Variants in SLC12A7 observed in about 807,000 individuals in gnomAD.
The protein encoded by SLC12A7 is K-Cl cotransporter 4.
A neutral mutation model predicts 120.6 loss-of-function variants in SLC12A7; 100 were observed. That is an observed-to-expected ratio of 0.83 (90% CI 0.71 to 0.98). SLC12A7 has a LOEUF of 0.98. Ranked by LOEUF, SLC12A7 falls within the 50% of genes least tolerant of loss-of-function variation. The pLI, the probability that SLC12A7 is intolerant of heterozygous loss-of-function variation, is 0.00. For synonymous variants in SLC12A7, 760 were observed against 678.0 expected (o/e 1.12, Z -1.88); for missense variants, 1,373 against 1,548.1 (o/e 0.89, Z 1.90).
At position 1,052,314 on chromosome 5, in the gene SLC12A7, C is replaced by T. The variant is rs773734659; in HGVS notation, c.*46G>A. On this transcript the variant is annotated 3_prime_UTR_variant, in exon 24 of 24. Transcript: ENST00000264930. Reference sequence around the variant, plus strand: ...GCCAAGCCCAGGCCCAGGCTGCCCACGCCGTCCTCCGTGCCTGTCCCAGAG... The same window carrying T: ...GCCAAGCCCAGGCCCAGGCTGCCCATGCCGTCCTCCGTGCCTGTCCCAGAG... 9.8e-6 allele frequency: 15 copies of T among 1,526,722 alleles called. No individual in the cohort carries two copies. The highest frequency in any genetic ancestry group is 4.5e-5 in the East Asian group (2 of 44,426). 94.6% of individuals were successfully genotyped at this position (1,526,722 alleles called of 1,614,324 possible).
chr5:1,085,504 C>A (rs763361621), intron 6 of SLC12A7, 31 bp from the exon 7 acceptor site: 13 of 1,556,150 alleles, frequency 8.4e-6, no homozygotes, highest in Non-Finnish European at 9.6e-6. Flanking sequence ...GGGAGGCCGT[C>A]CCCGGACACA....
chr5:1,065,184 AGGGGACACTGAGGAGACACACAG>A (rs1736894637), intron 18 of SLC12A7, 76 bp downstream of exon 18: 1 of 257,146 alleles, frequency 3.9e-6, no homozygotes, highest in African/African-American at 9.1e-5. Context: ...GAGGACAGCG[AGGGGACACTGAGGAGACACACAG>A]GGGACAGCGA....
chr5:1,105,707 C>T (rs1186150870), intron 1 of SLC12A7, among the ~76,000 whole-genome samples: 1 of 152,236 alleles, frequency 6.6e-6, no homozygotes, highest in African/African-American at 2.4e-5. Flanking sequence ...TGTGCTCTGC[C>T]CTTGTCCCTG....
At chr5:1,155,491 C>A in the SLC12A7 span, among the ~76,000 whole-genome samples, 3 of 152,110 alleles carry the variant, frequency 2.0e-5, no homozygotes, top group Non-Finnish European at 4.4e-5. Flanking sequence ...GGGATCCCCG[C>A]AGGGAACTGC....
intron 5 of SLC12A7, among the ~76,000 whole-genome samples, 158 bp downstream of exon 5, chr5:1,088,148 C>T (rs898192864): frequency 3.3e-5 from 5 of 152,228 alleles, no homozygotes; most frequent in African/African-American, 4.8e-5. Context: ...ACGGCTCAAA[C>T]GCCAGAGGAG....
intron 9 of SLC12A7, 50 bp from the exon 10 acceptor site, chr5:1,079,546 T>C (rs1277494280): frequency 6.9e-7 from 1 of 1,452,312 alleles, no homozygotes; most frequent in East Asian, 2.3e-5. Context: ...GTCAGTGCCA[T>C]GTGATGGCAG....
chr5:1,082,797 C>T (rs1271998994), intron 8 of SLC12A7, among the ~76,000 whole-genome samples: 1 of 144,812 alleles, frequency 6.9e-6, no homozygotes, highest in Non-Finnish European at 1.5e-5. Context: ...GGCTTCCCGT[C>T]TCAGGTTCTG....
intron 7 of SLC12A7, 70 bp from the exon 8 acceptor site, chr5:1,084,026 C>T (rs1176003115): frequency 7.3e-7 from 1 of 1,377,800 alleles, no homozygotes; most frequent in Non-Finnish European, 1.0e-6. Flanking sequence ...ACCCAGCTCC[C>T]CCAACGGGCA....
the SLC12A7 span, among the ~76,000 whole-genome samples, chr5:1,134,570 G>A: frequency 2.3e-4 from 35 of 152,132 alleles, no homozygotes; most frequent in African/African-American, 8.2e-4. Flanking sequence ...GTCTTCTACC[G>A]GTGGGAGTGT....
intron 4 of SLC12A7, 138 bp downstream of exon 4, chr5:1,088,843 TG>T: frequency 9.1e-7 from 1 of 1,099,026 alleles, no homozygotes; most frequent in Non-Finnish European, 1.3e-6. Flanking sequence ...CACGGGCGTC[TG>T]GGGAGGGCCC....
the SLC12A7 span, among the ~76,000 whole-genome samples, chr5:1,152,670 C>T: frequency 2.4e-3 from 324 of 136,728 alleles, 4 homozygotes; most frequent in African/African-American, 8.6e-3. Flanking sequence ...CCTTACAGAA[C>T]GGAGACGCCC....
chr5:1,137,495 C>G, the SLC12A7 span, among the ~76,000 whole-genome samples: 1 of 152,306 alleles, frequency 6.6e-6, no homozygotes, highest in South Asian at 2.1e-4. Context: ...ACCTTCAGCT[C>G]CAGCTACACC....
chr5:1,061,003 G>A (rs1220923489), intron 20 of SLC12A7, among the ~76,000 whole-genome samples: 1 of 149,740 alleles, frequency 6.7e-6, no homozygotes, highest in Non-Finnish European at 1.5e-5. Flanking sequence ...CTGCCGTGCA[G>A]GATCCCTGAG....
chr5:1,135,956 C>T, the SLC12A7 span, among the ~76,000 whole-genome samples: 1 of 152,224 alleles, frequency 6.6e-6, no homozygotes, highest in Non-Finnish European at 1.5e-5. Flanking sequence ...AAATGGTGGC[C>T]TCGTCGGCCC....
chr5:1,060,530 G>A (rs894392337), intron 20 of SLC12A7, 79 bp from the exon 21 acceptor site: 2 of 1,130,418 alleles, frequency 1.8e-6, no homozygotes, highest in Non-Finnish European at 2.7e-6. Flanking sequence ...GGTACCCAGA[G>A]ACCGAGCCGC....
the SLC12A7 span, among the ~76,000 whole-genome samples, chr5:1,145,108 G>A: frequency 1.6e-4 from 24 of 152,370 alleles, no homozygotes; most frequent in East Asian, 1.7e-3. The surrounding 1 kb of genome is among the most constrained non-coding windows in gnomAD (Gnocchi z 4.4). Context: ...GCTGGAGGCC[G>A]CAGGGGGCCC....
At chr5:1,074,263 G>A (rs1389379823) in intron 16 of SLC12A7, among the ~76,000 whole-genome samples, 6 of 152,132 alleles carry the variant, frequency 3.9e-5, no homozygotes, top group African/African-American at 1.4e-4. Flanking sequence ...CCCCCGCCGA[G>A]GCCCTGAGGG....
At chr5:1,118,581 C>T in the SLC12A7 span, among the ~76,000 whole-genome samples, 573 of 152,330 alleles carry the variant, frequency 3.8e-3, 4 homozygotes, top group African/African-American at 0.013. Context: ...CGTCCTTGGG[C>T]GTGAAAGGTC....
rs367582213 is a variant in SLC12A7 at position 1,085,371 on chromosome 5, C to T, written c.778G>A (p.Val260Met). Residue 260 changes from valine to methionine, a missense_variant, in exon 7 of 24, where the codon GTG (valine) becomes ATG (methionine). Coordinates refer to ENST00000264930, the MANE Select transcript of SLC12A7 (RefSeq NM_006598.3). ...NMRVYGTCTL[V>M]LMALVVFVGV... ...ACGAAGACCACCAGGGCCATGAGCA[C>T]GAGCGTGCACGTGCCGTACACACGC... is the stretch of plus-strand genomic sequence containing the variant. The T allele has an allele frequency of 2.7e-5, 43 of 1,612,182 alleles. No individual in the cohort carries two copies. Among genetic ancestry groups the T allele is most frequent in the Middle Eastern group, 1.6e-4 (1 of 6,084 alleles).
Sources: gnomAD v4.1 joint callset for allele counts (sites outside exome capture counted in the v4.1 genomes callset) on GRCh38, gnomAD v4.1.1 for gene constraint, Gnocchi (gnomAD v3.1) non-coding constraint, MANE v1.5 for transcripts, NCBI Gene and HGNC (gene_info 2026-07-23, HGNC 2026-07-21) for gene names.